The following ZNF618 variants were observed in gnomAD, a reference collection of about 807,000 sequenced individuals.
ZNF618 encodes zinc finger protein 618.
In ZNF618, 34 loss-of-function variants were observed where a neutral mutation model predicts 103.0. That is an observed-to-expected ratio of 0.33 (90% CI 0.25 to 0.44). The LOEUF is 0.44. ZNF618 is among the 20% of genes least tolerant of loss of function. The pLI is 1.00. For missense variants in ZNF618, 1,059 were observed against 1,295.4 expected, an observed-to-expected ratio of 0.82 and a Z score of 2.80; for synonymous variants, 551 against 542.2, an observed-to-expected ratio of 1.02 and a Z score of -0.23.
intron 7 of ZNF618, among the ~76,000 whole-genome samples, chr9:114,008,035 T>C (rs773605539): frequency 3.9e-5 from 6 of 152,296 alleles, no homozygotes; most frequent in Non-Finnish European, 7.4e-5. Flanking sequence ...TCTCCTGCCC[T>C]GGCCCCTTGA....
chr9:113,989,501 C>T (rs1839819879), intron 3 of ZNF618, among the ~76,000 whole-genome samples: 1 of 152,164 alleles, frequency 6.6e-6, no homozygotes, highest in African/African-American at 2.4e-5. Context: ...GACATAAAGT[C>T]CTCATTCCTG....
At chr9:113,942,713 A>G (rs1834659733) in intron 1 of ZNF618, among the ~76,000 whole-genome samples, 1 of 152,160 alleles carries the variant, frequency 6.6e-6, no homozygotes, top group Non-Finnish European at 1.5e-5. Flanking sequence ...CTGTTTTATA[A>G]AAGATTTTAT....
chr9:113,928,954 C>G (rs1833335756), intron 1 of ZNF618, among the ~76,000 whole-genome samples: 1 of 152,136 alleles, frequency 6.6e-6, no homozygotes, highest in South Asian at 2.1e-4. Context: ...TCCCTTAGGT[C>G]AGATAAGTCT....
At chr9:114,031,213 C>G (rs1432249005) in intron 11 of ZNF618, among the ~76,000 whole-genome samples, 1 of 152,174 alleles carries the variant, frequency 6.6e-6, no homozygotes, top group African/African-American at 2.4e-5. Context: ...ATAGGAGGTG[C>G]TCAGCGAATG....
At chr9:114,028,487 G>A in intron 10 of ZNF618, 1 of 585,678 alleles carries the variant, frequency 1.7e-6, no homozygotes, top group South Asian at 2.1e-5. Context: ...CTGGTCAAGG[G>A]TTATGGGTGA....
At position 114,041,771 on chromosome 9, in the gene ZNF618, C is replaced by CAAAGAAA. The variant is rs529326664; in HGVS notation, c.1246+5395_1246+5396insAAGAAAA. Among the ~76,000 whole-genome samples, 1,276 of 152,272 alleles carry CAAAGAAA rather than the reference C, an allele frequency of 8.4e-3. 12 individuals are homozygous for CAAAGAAA. Among genetic ancestry groups the CAAAGAAA allele is most frequent in the African/African-American group, 0.028 (1,153 of 41,560 alleles). On this transcript the variant is annotated intron_variant, in intron 13 of 14. Coordinates refer to ENST00000374126, the MANE Select transcript of ZNF618 (RefSeq NM_001318042.2). ...TTGAAGTCAGGTAGTGTGAGGCCTC[C>CAAAGAAA]AGCTTTGTTCTTTTGCCTTAGGATT...
intron 1 of ZNF618, among the ~76,000 whole-genome samples, chr9:113,884,457 G>A (rs928845541): frequency 2.0e-5 from 3 of 152,176 alleles, no homozygotes; most frequent in Non-Finnish European, 4.4e-5. Flanking sequence ...TAAGAAAAAA[G>A]TTTTGTAAAG....
intron 13 of ZNF618, 45 bp downstream of exon 13, chr9:114,036,422 T>C: frequency 6.5e-7 from 1 of 1,542,842 alleles, no homozygotes; most frequent in Non-Finnish European, 8.8e-7. Flanking sequence ...CCTCAGTTCC[T>C]GCAAATTGAA....
chr9:113,905,645 G>A (rs1199036080), intron 1 of ZNF618, among the ~76,000 whole-genome samples: 1 of 152,230 alleles, frequency 6.6e-6, no homozygotes, highest in African/African-American at 2.4e-5. Flanking sequence ...AGCCCTGGAT[G>A]AGCTCTGAGA....
chr9:114,044,413 T>C (rs967264246), intron 13 of ZNF618, among the ~76,000 whole-genome samples: 2 of 152,220 alleles, frequency 1.3e-5, no homozygotes, highest in Non-Finnish European at 2.9e-5. Context: ...CCTATTTTTA[T>C]GCCAGTACTA....
At chr9:113,934,998 CCTGG>C (rs1564188828) in intron 1 of ZNF618, among the ~76,000 whole-genome samples, 1 of 152,206 alleles carries the variant, frequency 6.6e-6, no homozygotes, top group African/African-American at 2.4e-5. Flanking sequence ...CCCTCACAAG[CCTGG>C]CTGTCCCCAG....
chr9:114,048,046 G>T, intron 14 of ZNF618, 52 bp downstream of exon 14: 1 of 1,439,504 alleles, frequency 6.9e-7, no homozygotes, highest in Non-Finnish European at 9.5e-7. Flanking sequence ...TGCTCCAGTT[G>T]TTCCTCTCTG....
At chr9:114,037,681 A>G (rs1284516714) in intron 13 of ZNF618, among the ~76,000 whole-genome samples, 3 of 152,214 alleles carry the variant, frequency 2.0e-5, no homozygotes, top group Non-Finnish European at 4.4e-5. Context: ...CCTGACTGGC[A>G]TAGAGTATTA....
chr9:113,970,853 C>G (rs1186776897), intron 2 of ZNF618, among the ~76,000 whole-genome samples: 1 of 149,708 alleles, frequency 6.7e-6, no homozygotes, highest in Admixed American at 6.7e-5. Flanking sequence ...TTCTGTCTCT[C>G]TGAGAATGCC....
chr9:113,912,401 G>A (rs1272049736), intron 1 of ZNF618, among the ~76,000 whole-genome samples: 1 of 152,184 alleles, frequency 6.6e-6, no homozygotes, highest in Non-Finnish European at 1.5e-5. Context: ...TGGGATATGG[G>A]TGGGGCCAGG....
rs979643934 is a variant in ZNF618 at position 113,988,170 on chromosome 9, G to A, written c.78-151G>A. 3 of 1,013,012 alleles carry A rather than the reference G, an allele frequency of 3.0e-6. No homozygotes were observed. In the African/African-American group the frequency reaches 4.8e-5, roughly 16 times the overall value. 62.8% of individuals were successfully genotyped at this position (1,013,012 alleles called of 1,614,324 possible). On this transcript the variant is annotated intron_variant, in intron 2 of 14. Transcript: ENST00000374126. ...GTTCCCTGGAAGAGCCTCAGGGGTA[G>A]CCGTGGGGGTTGTGTGGGAGGCTAA...
chr9:114,028,370 C>T (rs1843702634), intron 10 of ZNF618: 1 of 227,550 alleles, frequency 4.4e-6, no homozygotes, highest in Non-Finnish European at 8.7e-6. Flanking sequence ...CCAAGCCAGC[C>T]TTCCTTTAAA....
intron 3 of ZNF618, among the ~76,000 whole-genome samples, chr9:113,989,299 G>A (rs1045673392): frequency 2.6e-5 from 4 of 152,072 alleles, no homozygotes; most frequent in African/African-American, 4.8e-5. Context: ...CTGCTGCACT[G>A]ACGGTTGCTG....
chr9:113,959,228 G>A (rs553339617), intron 1 of ZNF618, among the ~76,000 whole-genome samples: 27 of 152,132 alleles, frequency 1.8e-4, no homozygotes, highest in African/African-American at 4.6e-4. Context: ...TGGAGGTTGC[G>A]GTGAGCCGAG....
Sources: gnomAD v4.1 joint callset for allele counts (sites outside exome capture counted in the v4.1 genomes callset) on GRCh38, gnomAD v4.1.1 for gene constraint, MANE v1.5 for transcripts, NCBI Gene and HGNC (gene_info 2026-07-23, HGNC 2026-07-21) for gene names.